Variants in ZNF408 observed in about 807,000 individuals in gnomAD.
ZNF408 encodes PR domain zinc finger protein 17.
Under a neutral mutation model 27.6 loss-of-function variants are expected in ZNF408, and 24 were observed. That is an observed-to-expected ratio of 0.87 (90% CI 0.63 to 1.22). ZNF408 has a LOEUF of 1.22. Among genes scored for constraint, ZNF408 ranks in the 50% most tolerant of loss-of-function variants. The pLI is 0.00. For synonymous variants in ZNF408, 410 were observed against 396.1 expected, an observed-to-expected ratio of 1.04 and a Z score of -0.42; for missense variants, 897 against 949.0, an observed-to-expected ratio of 0.95 and a Z score of 0.72.
intron 1 of ZNF408, 84 bp from the exon 2 acceptor site, chr11:46,701,315 C>G (rs1230962925): frequency 1.3e-6 from 2 of 1,577,150 alleles, no homozygotes; most frequent in African/African-American, 1.4e-5. Flanking sequence ...GCAGGCCCAC[C>G]TGGACCTGCG....
Position 46,703,135 on chromosome 11 carries a change from C to A in ZNF408, c.544C>A (p.Gln182Lys). The change falls in exon 4 of 5, where the codon CAG becomes AAG. Residue 182 changes from glutamine (Q) to lysine (K), a missense_variant. Physicochemically the swap from Gln to Lys is moderately conservative, Grantham distance 53 (BLOSUM62 1). Coordinates refer to ENST00000311764, the MANE Select transcript of ZNF408 (RefSeq NM_024741.3). ...TTCCTCTGAGGGCCCAAGTCTCACC[C>A]AGCCTGGGCTGGACAAAGAGGCAGC... ...QPSSEGPSLT[Q>K]PGLDKEAAVA... is the part of the protein sequence containing the mutation. The A allele has an allele frequency of 6.2e-7, 1 of 1,612,208 alleles. No individual in the cohort carries two copies.
At position 46,701,089 on chromosome 11, in the gene ZNF408, G is replaced by C; in HGVS notation, c.42G>C (p.Ala14=). The stretch of plus-strand genomic sequence containing the variant: ...AGCTGCTCTTGGAGGGGAAGAAGGC[G>C]CTGCAACTCGGTGAGTGACCTGCGA... ...AEELLLEGKK[A]LQLAREPRLG... Residue 14 remains alanine (A), a synonymous_variant, in exon 1 of 5, where the codon GCG becomes GCC. Coordinates refer to ENST00000311764, the MANE Select transcript of ZNF408 (RefSeq NM_024741.3). 1 of 1,614,128 alleles carries C rather than the reference G, an allele frequency of 6.2e-7. No individual in the cohort carries two copies. The highest frequency in any genetic ancestry group is 8.5e-7 in the Non-Finnish European group (1 of 1,180,030).
In ZNF408 at chr11:46,703,270, C is replaced by G. The variant is rs369951169; in HGVS notation, c.652+27C>G. ...TATGTGTCAAATAAATGCTGGTTTC[C>G]CAGCAATTTCCCCACCAAAACAACC... On this transcript the variant is annotated intron_variant, in intron 4 of 4. Coordinates refer to ENST00000311764, the MANE Select transcript of ZNF408 (RefSeq NM_024741.3). The G allele has an allele frequency of 7.6e-6, 12 of 1,587,858 alleles. No homozygotes were observed. In the African/African-American group the frequency reaches 1.6e-4, roughly 21 times the overall value.
In ZNF408 at chr11:46,705,230, C is replaced by T. The variant is rs1223413649; in HGVS notation, c.1530C>T (p.Asn510=). The change falls in exon 5 of 5, where the codon AAC becomes AAT. Residue 510 remains asparagine, a synonymous_variant. Coordinates refer to ENST00000311764, the MANE Select transcript of ZNF408 (RefSeq NM_024741.3). The surrounding 1 kb of genome is among the most constrained non-coding windows in gnomAD (Gnocchi z 6.5). ...HCGRAFRQRG[N]LRGHLRLHTG... Reference sequence around the variant, plus strand: ...GCCGGGCGTTTCGTCAGCGGGGCAACCTGCGTGGGCATTTGCGGCTCCACA... The same window carrying T: ...GCCGGGCGTTTCGTCAGCGGGGCAATCTGCGTGGGCATTTGCGGCTCCACA... 4 of 1,612,066 alleles carry T rather than the reference C, an allele frequency of 2.5e-6. No individual in the cohort carries two copies. The highest frequency in any genetic ancestry group is 4.5e-5 in the East Asian group (2 of 44,868).
chr11:46,701,668 CAGG>C lies in ZNF408; in HGVS notation c.329_330+1del. On this transcript the variant is annotated inframe_deletion, in exon 2 of 5. Transcript: ENST00000311764. The stretch of plus-strand genomic sequence containing the variant: ...GAAGGGCGAGGGAGTAAAGCCACGG[CAGG>C]AGGAGGTATTGAAGGATAGAGCGAC... 6.3e-7 allele frequency: 1 copy of C among 1,577,980 alleles called. No individual in the cohort carries two copies. The highest frequency in any genetic ancestry group is 8.6e-7 in the Non-Finnish European group (1 of 1,158,612).
rs140116816 is a variant in ZNF408, at chr11:46,704,911, G to A, written c.1211G>A (p.Arg404His). 6.1e-5 allele frequency: 99 copies of A among 1,612,872 alleles called. No homozygotes were observed. Among genetic ancestry groups the A allele is most frequent in the Non-Finnish European group, 8.3e-5 (98 of 1,179,766 alleles). ...ESFKAHMLGH[R>H]GVRPFPCPQC... is the part of the protein sequence containing the mutation. ...TTCAAAGCCCATATGCTGGGCCACC[G>A]TGGGGTGCGGCCCTTCCCCTGTCCA... The change falls in exon 5 of 5, where the codon CGT (arginine) becomes CAT (histidine). Residue 404 changes from arginine to histidine, a missense_variant. Coordinates refer to ENST00000311764, the MANE Select transcript of ZNF408 (RefSeq NM_024741.3).
Position 46,705,544 on chromosome 11 carries a change from G to T in ZNF408, c.1844G>T (p.Gly615Val). Residue 615 changes from glycine (G) to valine (V), a missense_variant, in exon 5 of 5, where the codon GGC (glycine) becomes GTC (valine). Transcript: ENST00000311764. This position sits in a 1 kb window ranked among gnomAD's most constrained non-coding sequence, Gnocchi z 6.5. ...TACCGCTGCCCCACCTGTGGCATGG[G>T]CTACACCCTCCCGCAGAGCCTCAGG... Reference protein sequence around the residue: ...KPYRCPTCGMGYTLPQSLRRH... With the variant: ...KPYRCPTCGMVYTLPQSLRRH... 6.2e-7 allele frequency: 1 copy of T among 1,605,074 alleles called. No individual in the cohort carries two copies.
intron 2 of ZNF408, 117 bp from the exon 3 acceptor site, chr11:46,702,587 A>G: frequency 1.9e-6 from 2 of 1,035,224 alleles, no homozygotes; most frequent in Non-Finnish European, 1.5e-6. Flanking sequence ...AGAGGCTTCT[A>G]ACCTTCCAGG....
chr11:46,702,698 T>G lies in ZNF408; in HGVS notation c.331-6T>G, dbSNP rs1294056312. On this transcript the variant is annotated splice_polypyrimidine_tract_variant and splice_region_variant and intron_variant, in intron 2 of 4. Coordinates refer to ENST00000311764, the MANE Select transcript of ZNF408 (RefSeq NM_024741.3). ...TTTGAGAAGGACTTTTGTTGGTTTA[T>G]TTCAGAACCTGTCATTAGGCCCATG... The G allele has an allele frequency of 1.2e-6, 2 of 1,613,784 alleles. No homozygotes were observed. The highest frequency in any genetic ancestry group is 1.7e-6 in the Non-Finnish European group (2 of 1,179,760).
intron 3 of ZNF408, 71 bp from the exon 4 acceptor site, chr11:46,702,913 G>A (rs1194887742): frequency 6.2e-7 from 1 of 1,600,652 alleles, no homozygotes; most frequent in Non-Finnish European, 8.5e-7. Context: ...GACTGCTTGG[G>A]GACTGGGGCT....
intron 2 of ZNF408, 147 bp downstream of exon 2, chr11:46,701,823 C>A: frequency 9.8e-7 from 1 of 1,025,228 alleles, no homozygotes; most frequent in South Asian, 2.1e-5. Context: ...TGTCTCCTCT[C>A]AGCAGCAGTA....
intron 3 of ZNF408, 34 bp downstream of exon 3, chr11:46,702,799 G>T (rs1412395906): frequency 1.9e-6 from 3 of 1,612,990 alleles, no homozygotes; most frequent in Non-Finnish European, 2.5e-6. Context: ...TTCCTTTGAG[G>T]TTTTCTGTTG....
chr11:46,702,908 C>G, intron 3 of ZNF408, 76 bp from the exon 4 acceptor site: 1 of 1,600,292 alleles, frequency 6.2e-7, no homozygotes, highest in Non-Finnish European at 8.5e-7. Context: ...ACCCAGACTG[C>G]TTGGGGACTG....
chr11:46,704,466 C>G lies in ZNF408; in HGVS notation c.766C>G (p.Leu256Val). The G allele has an allele frequency of 6.2e-7, 1 of 1,614,174 alleles. No homozygotes were observed. Among genetic ancestry groups the G allele is most frequent in the Admixed American group, 1.7e-5 (1 of 60,016 alleles). ...GGATAGCCAGCCACTTGGCCCATTG[C>G]TTCAGGATGGCGACGTGGATGAGGA... The part of the protein sequence containing the change: ...SKDSQPLGPL[L>V]QDGDVDEECP... The change falls in exon 5 of 5, where the codon CTT (leucine) becomes GTT (valine). Residue 256 changes from leucine to valine, a missense_variant. Transcript: ENST00000311764.
At chr11:46,703,415 G>T (rs574780050) in intron 4 of ZNF408, among the ~76,000 whole-genome samples, 172 bp downstream of exon 4, 1 of 152,242 alleles carries the variant, frequency 6.6e-6, no homozygotes, top group Non-Finnish European at 1.5e-5. Flanking sequence ...AGGAGGGTGG[G>T]GCTTGATTAG....
chr11:46,704,705 C>A lies in ZNF408; in HGVS notation c.1005C>A (p.Leu335=). 6.2e-7 allele frequency: 1 copy of A among 1,609,058 alleles called. No individual in the cohort carries two copies. Among genetic ancestry groups the A allele is most frequent in the Non-Finnish European group, 8.5e-7 (1 of 1,177,768 alleles). ...CCCAGCAGTCTGGCTTCCCTACACTCTCGCGGAGCCCTCCTGGCCCAGCAG... is the reference window on the plus strand; with the variant it reads ...CCCAGCAGTCTGGCTTCCCTACACTATCGCGGAGCCCTCCTGGCCCAGCAG... The part of the protein sequence containing the change: ...PGAQQSGFPT[L]SRSPPGPAGS... Residue 335 remains leucine (L), a synonymous_variant, in exon 5 of 5, where the codon CTC becomes CTA. Transcript: ENST00000311764.
Position 46,704,673 on chromosome 11 carries a change from C to G in ZNF408, c.973C>G (p.Pro325Ala), listed in dbSNP as rs1003630769. 3.7e-6 allele frequency: 6 copies of G among 1,613,580 alleles called. No homozygotes were observed. Among genetic ancestry groups the G allele is most frequent in the African/African-American group, 2.7e-5 (2 of 75,026 alleles). The change falls in exon 5 of 5, where the codon CCT (proline) becomes GCT (alanine). Residue 325 changes from proline (P) to alanine (A), a missense_variant. Coordinates refer to ENST00000311764, the MANE Select transcript of ZNF408 (RefSeq NM_024741.3). ...QCPPRAKTPE[P>A]GAQQSGFPTL... Reference sequence around the variant, plus strand: ...CCCACCCAGAGCAAAGACCCCAGAGCCTGGAGCCCAGCAGTCTGGCTTCCC... The same window carrying G: ...CCCACCCAGAGCAAAGACCCCAGAGGCTGGAGCCCAGCAGTCTGGCTTCCC...
intron 4 of ZNF408, among the ~76,000 whole-genome samples, chr11:46,703,673 C>T (rs2064727303): frequency 6.6e-6 from 1 of 151,542 alleles, no homozygotes; most frequent in African/African-American, 2.4e-5. Context: ...TGTTTCTTCT[C>T]TCTGGCGTGG....
chr11:46,703,392 T>G, intron 4 of ZNF408, 149 bp downstream of exon 4: 1 of 1,076,514 alleles, frequency 9.3e-7, no homozygotes, highest in Non-Finnish European at 1.3e-6. Flanking sequence ...AGGTGGATCT[T>G]TCAACATGGG....
Sources: allele counts gnomAD v4.1 joint callset (sites outside exome capture counted in the v4.1 genomes callset), GRCh38; gene constraint gnomAD v4.1.1; non-coding constraint Gnocchi (gnomAD v3.1); transcripts MANE v1.5; gene names NCBI Gene and HGNC (gene_info 2026-07-23, HGNC 2026-07-21).